MAF: variants seen among roughly 807,000 people sequenced by gnomAD.
The protein encoded by MAF is MAF bZIP transcription factor, also known as transcription factor Maf.
Under a neutral mutation model 22.0 loss-of-function variants are expected in MAF, and 10 were observed. The ratio of observed to expected loss-of-function variants is 0.45; its 90% CI spans 0.28 to 0.77. The LOEUF (loss-of-function observed/expected upper bound fraction) is 0.77. MAF is among the 30% of genes least tolerant of loss of function. The pLI is 0.12. For synonymous variants in MAF, 337 were observed against 255.8 expected (o/e 1.32, Z -3.03); for missense variants, 544 against 548.4 (o/e 0.99, Z 0.08).
the MAF span, among the ~76,000 whole-genome samples, chr16:79,462,903 C>T: frequency 5.3e-5 from 8 of 152,082 alleles, no homozygotes; most frequent in Admixed American, 4.6e-4. Flanking sequence ...AATAGAAGTT[C>T]GTATTTTGGG....
chr16:79,585,993 G>A (rs1382897558), intron 1 of MAF: 2 of 657,698 alleles, frequency 3.0e-6, no homozygotes, highest in Non-Finnish European at 5.4e-6. Context: ...TAACCACGAA[G>A]AATGTTTCAA....
At chr16:79,221,731 G>A in the MAF span, among the ~76,000 whole-genome samples, 156 of 151,782 alleles carry the variant, frequency 1.0e-3, no homozygotes, top group African/African-American at 3.5e-3. Context: ...GTGTGTGCAC[G>A]TGTGTACGTA....
chr16:79,524,486 A>G, the MAF span, among the ~76,000 whole-genome samples: 2 of 152,254 alleles, frequency 1.3e-5, no homozygotes, highest in African/African-American at 4.8e-5. Flanking sequence ...CCCAAAGGTT[A>G]AAGTTGGCTA....
the MAF span, among the ~76,000 whole-genome samples, chr16:79,267,044 G>A: frequency 3.3e-5 from 5 of 152,206 alleles, no homozygotes; most frequent in Non-Finnish European, 5.9e-5. Context: ...TCTCCACTAT[G>A]GGGCTGTGAA....
chr16:79,295,696 C>A, the MAF span, among the ~76,000 whole-genome samples: 1 of 152,234 alleles, frequency 6.6e-6, no homozygotes, highest in African/African-American at 2.4e-5. Context: ...GAGAAGGTGT[C>A]ACAAAGCAGG....
chr16:79,589,930 C>G (rs1193276455), downstream of MAF, among the ~76,000 whole-genome samples: 1 of 152,292 alleles, frequency 6.6e-6, no homozygotes, highest in East Asian at 1.9e-4. Flanking sequence ...CACCGGCTCC[C>G]TGGGCACTGC....
chr16:79,296,098 G>A, the MAF span, among the ~76,000 whole-genome samples: 7 of 152,186 alleles, frequency 4.6e-5, no homozygotes, highest in African/African-American at 1.2e-4. Context: ...TTCCAGCATC[G>A]TCTCACTTGC....
the MAF span, among the ~76,000 whole-genome samples, chr16:79,374,636 C>T: frequency 1.3e-5 from 2 of 152,308 alleles, no homozygotes; most frequent in East Asian, 1.9e-4. Flanking sequence ...GGCTAGAAGG[C>T]TGCCTGTGGT....
chr16:79,566,614 A>G, the MAF span, among the ~76,000 whole-genome samples: 1 of 152,284 alleles, frequency 6.6e-6, no homozygotes, highest in South Asian at 2.1e-4. Flanking sequence ...ACAAGTGTGG[A>G]TCTTGGGGGA....
At chr16:79,371,994 G>C in the MAF span, among the ~76,000 whole-genome samples, 1 of 151,602 alleles carries the variant, frequency 6.6e-6, no homozygotes, top group Non-Finnish European at 1.5e-5. Flanking sequence ...AAATGAGATT[G>C]CACACAGGTA....
the MAF span, among the ~76,000 whole-genome samples, chr16:79,234,569 C>G: frequency 2.0e-5 from 3 of 151,770 alleles, no homozygotes; most frequent in Non-Finnish European, 4.4e-5. Context: ...AAAAGCAACC[C>G]ATTTTGCAAA....
chr16:79,241,870 G>A, the MAF span, among the ~76,000 whole-genome samples: 2 of 152,082 alleles, frequency 1.3e-5, no homozygotes, highest in African/African-American at 4.8e-5. Flanking sequence ...CAAGCCAGAA[G>A]AGAGTGGGGG....
chr16:79,348,177 CT>C, the MAF span, among the ~76,000 whole-genome samples: 10 of 152,354 alleles, frequency 6.6e-5, no homozygotes, highest in East Asian at 1.9e-3. Flanking sequence ...GAAAGAAGTT[CT>C]GAATTTCTGT....
At chr16:79,278,186 C>T in the MAF span, among the ~76,000 whole-genome samples, 136,148 of 152,280 alleles carry the variant, frequency 0.89, 61,074 homozygotes, top group East Asian at 1. Context: ...GAGACAGTCT[C>T]GGGAAATGGG....
the MAF span, among the ~76,000 whole-genome samples, chr16:79,345,799 G>A: frequency 6.8e-6 from 1 of 147,178 alleles, no homozygotes; most frequent in Admixed American, 6.8e-5. Context: ...TCCATTTTAA[G>A]TGTATATCAT....
the MAF span, among the ~76,000 whole-genome samples, chr16:79,524,207 C>A: frequency 6.6e-6 from 1 of 152,278 alleles, no homozygotes; most frequent in South Asian, 2.1e-4. Flanking sequence ...GAGCAGGAGG[C>A]CTGGAAAGAG....
the MAF span, among the ~76,000 whole-genome samples, chr16:79,300,963 A>C: frequency 5.3e-5 from 8 of 152,232 alleles, no homozygotes; most frequent in African/African-American, 1.9e-4. Context: ...AAAGCAAAGG[A>C]CAGCAGAGGG....
At chr16:79,354,937 G>A in the MAF span, among the ~76,000 whole-genome samples, 1 of 151,978 alleles carries the variant, frequency 6.6e-6, no homozygotes, top group Non-Finnish European at 1.5e-5. Flanking sequence ...AAGTGGGAGA[G>A]AGAACCCAAG....
chr16:79,382,766 G>A, the MAF span, among the ~76,000 whole-genome samples: 24 of 152,274 alleles, frequency 1.6e-4, no homozygotes, highest in Non-Finnish European at 2.8e-4. Context: ...ATAAAAATGT[G>A]CATTTATTCA....
Sources: allele counts gnomAD v4.1 joint callset (sites outside exome capture counted in the v4.1 genomes callset), GRCh38; gene constraint gnomAD v4.1.1; transcripts MANE v1.5; gene names NCBI Gene and HGNC (gene_info 2026-07-23, HGNC 2026-07-21).